DDX5: variants seen among roughly 807,000 people sequenced by gnomAD.
DDX5 encodes probable ATP-dependent RNA helicase DDX5.
In DDX5, 6 loss-of-function variants were observed where a neutral mutation model predicts 68.6. The ratio of observed to expected loss-of-function variants is 0.09; its 90% CI spans 0.05 to 0.17. The LOEUF is 0.17. Ranked by LOEUF, DDX5 falls within the 10% of genes least tolerant of loss-of-function variation. DDX5 has a pLI of 1.00. For missense variants in DDX5, 499 were observed against 756.1 expected (o/e 0.66, Z 3.99); for synonymous variants, 350 against 247.0 (o/e 1.42, Z -3.91).
In DDX5 at chr17:64,503,687, C is replaced by G. The variant is rs184910865; in HGVS notation, c.507+116G>C. The stretch of plus-strand genomic sequence containing the variant: ...TGTCCAATACCCAAAACAGCTCCAG[C>G]TGAATAGGGTGAGCTAACCTCTATA... On this transcript the variant is annotated intron_variant, in intron 5 of 12. Coordinates refer to ENST00000225792, the MANE Select transcript of DDX5 (RefSeq NM_004396.5). The G allele has an allele frequency of 1.4e-5, 22 of 1,533,570 alleles. No homozygotes were observed. The African/African-American group carries it at 1.8e-4, about 13-fold the overall frequency. 95.0% of individuals were successfully genotyped at this position (1,533,570 alleles called of 1,614,324 possible).
In DDX5 at chr17:64,500,214, G is replaced by A. The variant is rs2038261315; in HGVS notation, c.1554C>T (p.Tyr518=). 1.2e-6 allele frequency: 2 copies of A among 1,614,150 alleles called. No homozygotes were observed. Among genetic ancestry groups the A allele is most frequent in the African/African-American group, 1.3e-5 (1 of 75,036 alleles). ...CAAAATCTCTTTTAAGCAGGCTAGAGTAACCTCTGTCATAATTTTCCCTGT... is the reference window on the plus strand; with the variant it reads ...CAAAATCTCTTTTAAGCAGGCTAGAATAACCTCTGTCATAATTTTCCCTGT... ...FRDRENYDRG[Y]SSLLKRDFGA... is the part of the protein sequence containing the mutation. Residue 518 remains tyrosine (Y), a synonymous_variant, in exon 13 of 13, where the codon TAC becomes TAT. Transcript: ENST00000225792.
intron 8 of DDX5, 152 bp from the exon 9 acceptor site, chr17:64,502,701 C>G: frequency 4.2e-6 from 3 of 722,870 alleles, no homozygotes; most frequent in Non-Finnish European, 6.7e-6. Context: ...GCAGTTCGAC[C>G]CTTGGTCCTT....
At position 64,502,052 on chromosome 17, in the gene DDX5, C is replaced by A; in HGVS notation, c.1174G>T (p.Ala392Ser). 6.2e-7 allele frequency: 1 copy of A among 1,614,160 alleles called. No individual in the cohort carries two copies. Among genetic ancestry groups the A allele is most frequent in the African/African-American group, 1.3e-5 (1 of 75,034 alleles). The change falls in exon 11 of 13, where the codon GCT becomes TCT. Residue 392 changes from alanine to serine, a missense_variant. This residue lies in a region of DDX5 where 26 missense variants were observed against 128.2 expected (regional missense o/e 0.20). Transcript: ENST00000225792. ...ACATCTGTAGCAATCAGAATAGGAG[C>A]TTTTCCATGTTTGAATTCTACAAAG... ...WVLNEFKHGK[A>S]PILIATDVAS...
chr17:64,504,611 C>A, intron 2 of DDX5, 66 bp downstream of exon 2: 1 of 1,515,578 alleles, frequency 6.6e-7, no homozygotes, highest in South Asian at 1.3e-5. Context: ...AAACACCTGT[C>A]AGAATTTCAT....
chr17:64,506,506 G>A (rs1187088417), upstream of DDX5: 6 of 810,968 alleles, frequency 7.4e-6, no homozygotes, highest in East Asian at 1.8e-4. Context: ...GCACTCTCTT[G>A]ACCTCACCTT....
chr17:64,501,772 T>TG (rs2038302923), intron 11 of DDX5: 1 of 578,938 alleles, frequency 1.7e-6, no homozygotes, highest in Non-Finnish European at 3.1e-6. Context: ...TGAAGATTAC[T>TG]GGCACACGTT....
chr17:64,503,793 A>G lies in DDX5; in HGVS notation c.507+10T>C. On this transcript the variant is annotated intron_variant, in intron 5 of 12. Transcript: ENST00000225792. ...ATGCTTCTAATAAAAAGTTAAAAAT[A>G]TATACTTACAATAGGCCCATCGCCT... The G allele has an allele frequency of 6.2e-7, 1 of 1,609,302 alleles. No homozygotes were observed.
upstream of DDX5, chr17:64,506,414 G>A: frequency 1.4e-6 from 2 of 1,386,518 alleles, no homozygotes; most frequent in Non-Finnish European, 1.9e-6. Flanking sequence ...GCCCGCTGGC[G>A]TTCCAGGATC....
rs1169617451 is a variant in DDX5, at chr17:64,498,359, TGTTTTCCACAGCCCAACAATCATTTCA to T, written c.*1537_*1563del. Among the ~76,000 whole-genome samples, 2 of 152,162 alleles carry T rather than the reference TGTTTTCCACAGCCCAACAATCATTTCA, an allele frequency of 1.3e-5. No homozygotes were observed. Among genetic ancestry groups the T allele is most frequent in the Admixed American group, 6.5e-5 (1 of 15,286 alleles). On this transcript the variant is annotated 3_prime_UTR_variant, in exon 13 of 13. Coordinates refer to ENST00000225792, the MANE Select transcript of DDX5 (RefSeq NM_004396.5). ...AAAACTTCCAAGGTAAATAGGTAAA[TGTTTTCCACAGCCCAACAATCATTTCA>T]GTGTTTACAAATTAAAAGGCCCACG...
At chr17:64,506,666 G>C, upstream of DDX5, 1 of 289,334 alleles carries the variant, frequency 3.5e-6, no homozygotes, top group South Asian at 4.4e-5. Flanking sequence ...GCGTTGTCAC[G>C]TGGCTGTACC....
chr17:64,506,561 C>G (rs1480658537), upstream of DDX5: 2 of 458,950 alleles, frequency 4.4e-6, no homozygotes, highest in Non-Finnish European at 7.5e-6. Flanking sequence ...CGCCCTTTCC[C>G]AAGCCCAGCC....
Position 64,502,483 on chromosome 17 carries a change from G to A in DDX5, c.1050C>T (p.Thr350=). The A allele has an allele frequency of 1.9e-6, 3 of 1,613,478 alleles. No homozygotes were observed. Among genetic ancestry groups the A allele is most frequent in the Non-Finnish European group, 2.5e-6 (3 of 1,179,774 alleles). ...KENKTIVFVE[T]KRRCDELTRK... ...TGGTAAGCTCATCACATCTTCTTTT[G>A]GTTTCCACAAAAACAATGGTTTTAT... Residue 350 remains threonine (T), a synonymous_variant, in exon 9 of 13, where the codon ACC becomes ACT. Coordinates refer to ENST00000225792, the MANE Select transcript of DDX5 (RefSeq NM_004396.5).
upstream of DDX5, chr17:64,506,393 T>G (rs551784422): frequency 1.7e-5 from 24 of 1,398,046 alleles, no homozygotes; most frequent in Non-Finnish European, 2.0e-5. Flanking sequence ...CCCTCGCGCA[T>G]AGGCCGCAAC....
At chr17:64,504,339 G>A (rs782803894) in intron 2 of DDX5, 21 bp from the exon 3 acceptor site, 11 of 1,597,962 alleles carry the variant, frequency 6.9e-6, no homozygotes, top group South Asian at 4.4e-5. Context: ...AATTATAACA[G>A]TCTTAAAATT....
chr17:64,499,864 T>C lies in DDX5; in HGVS notation c.*59A>G. ...TTTCTTAAATAACTATCTTGTCAGA[T>C]AACACACAATATAAAGAGCAATTAT... On this transcript the variant is annotated 3_prime_UTR_variant, in exon 13 of 13. Transcript: ENST00000225792. The C allele has an allele frequency of 1.4e-6, 2 of 1,443,978 alleles. No individual in the cohort carries two copies. Among genetic ancestry groups the C allele is most frequent in the Non-Finnish European group, 1.9e-6 (2 of 1,080,628 alleles). The allele number at this position is 1,443,978 out of a possible 1,614,324, so 89.4% of individuals were successfully genotyped here.
chr17:64,504,160 G>A (rs1322029298), intron 3 of DDX5, 44 bp from the exon 4 acceptor site: 2 of 1,612,696 alleles, frequency 1.2e-6, no homozygotes, highest in Non-Finnish European at 8.5e-7. Flanking sequence ...GTGATGCCAA[G>A]AAAAAGAGGG....
At chr17:64,506,492 T>C (rs1426232337), upstream of DDX5, 10 of 930,138 alleles carry the variant, frequency 1.1e-5, no homozygotes, top group Non-Finnish European at 1.5e-5. Context: ...GAATGCCTCA[T>C]TCTGCACTCT....
chr17:64,503,685 A>G, intron 5 of DDX5, 114 bp from the exon 6 acceptor site: 1 of 1,532,772 alleles, frequency 6.5e-7, no homozygotes, highest in South Asian at 1.2e-5. Flanking sequence ...AAACAGCTCC[A>G]GCTGAATAGG....
rs549577050 is a variant in DDX5, at chr17:64,501,141, G to A, written c.1217-368C>T. On this transcript the variant is annotated intron_variant, in intron 11 of 12. Transcript: ENST00000225792. ...AACCTCTTCATGTGCTCATTTTGAG[G>A]ACCTTGAAACAAAAAAATGTACAAG... 4.2e-5 allele frequency: 10 copies of A among 239,196 alleles called. No homozygotes were observed. In the South Asian group the frequency reaches 6.3e-4, roughly 15 times the overall value. The allele number at this position is 239,196 out of a possible 1,614,324, so 14.8% of individuals were successfully genotyped here.
Sources: gnomAD v4.1 joint callset for allele counts (sites outside exome capture counted in the v4.1 genomes callset) on GRCh38, gnomAD v4.1.1 for gene constraint, gnomAD v4.1.1 regional missense constraint, MANE v1.5 for transcripts, NCBI Gene and HGNC (gene_info 2026-07-23, HGNC 2026-07-21) for gene names.